CARS2: variants seen among roughly 807,000 people sequenced by gnomAD.
CARS2 encodes the protein cysteinyl-tRNA synthetase 2, mitochondrial.
In CARS2, 52 loss-of-function variants were observed where a neutral mutation model predicts 68.8. The observed-to-expected ratio is 0.76, with a 90% CI of 0.61 to 0.95. The LOEUF is 0.95. Among genes scored for constraint, CARS2 ranks in the 40% least tolerant of loss-of-function variants. The probability of loss-of-function intolerance (pLI) is 0.00; values close to 1 mark genes in which losing one functional copy is unlikely to be tolerated. For missense variants in CARS2, 780 were observed against 754.2 expected, an observed-to-expected ratio of 1.03 and a Z score of -0.40; for synonymous variants, 314 against 303.6, an observed-to-expected ratio of 1.03 and a Z score of -0.36.
At position 110,676,343 on chromosome 13, in the gene CARS2, A is replaced by C. The variant is rs945867405; in HGVS notation, c.785+631T>G. ...CCAGGGAGAAGGCGGAGAAAGCTCT[A>C]CTGAGAGGCAGAAACCAGGACAGAG... On this transcript the variant is annotated intron_variant, in intron 7 of 14. Transcript: ENST00000257347. The surrounding 1 kb of genome is among the most constrained non-coding windows in gnomAD (Gnocchi z 4.0). 2.6e-5 allele frequency among the ~76,000 whole-genome samples: 4 copies of C among 152,174 alleles called. No homozygotes were observed. The highest frequency in any genetic ancestry group is 4.4e-5 in the Non-Finnish European group (3 of 68,028).
At position 110,705,916 on chromosome 13, in the gene CARS2, C is replaced by A; in HGVS notation, c.178G>T (p.Gly60Trp). 1 of 1,575,650 alleles carries A rather than the reference C, an allele frequency of 6.3e-7. No homozygotes were observed. The highest frequency in any genetic ancestry group is 2.3e-5 in the East Asian group (1 of 42,670). The stretch of plus-strand genomic sequence containing the variant: ...GCCACGATTAGGGGTTCCTTCCTCC[C>A]GGTGAGGCTGTTGTACACCTGCACA... Reference protein sequence around the residue: ...TGVQVYNSLTGRKEPLIVAHA... With the variant: ...TGVQVYNSLTWRKEPLIVAHA... Residue 60 changes from glycine to tryptophan, a missense_variant, in exon 1 of 15, where the codon GGG becomes TGG. Coordinates refer to ENST00000257347, the MANE Select transcript of CARS2 (RefSeq NM_024537.4). This position sits in a 1 kb window ranked among gnomAD's most constrained non-coding sequence, Gnocchi z 4.0.
At chr13:110,673,386 T>C (rs1193906237) in intron 7 of CARS2, among the ~76,000 whole-genome samples, 2 of 152,204 alleles carry the variant, frequency 1.3e-5, no homozygotes, top group African/African-American at 2.4e-5. Flanking sequence ...GCTTCATCCC[T>C]GGGATGCAAG....
intron 12 of CARS2, 51 bp from the exon 13 acceptor site, chr13:110,644,534 T>C: frequency 6.2e-7 from 1 of 1,605,890 alleles, no homozygotes; most frequent in South Asian, 1.1e-5. Context: ...TTGATGGCAG[T>C]GGGCAAACGG....
chr13:110,706,176 G>T, upstream of CARS2: 1 of 971,722 alleles, frequency 1.0e-6, no homozygotes, highest in Non-Finnish European at 1.3e-6. Flanking sequence ...GCACGGCCCC[G>T]CCCCGCCCCG....
At chr13:110,701,404 G>T in intron 3 of CARS2, 34 bp downstream of exon 3, 1 of 965,626 alleles carries the variant, frequency 1.0e-6, no homozygotes, top group Non-Finnish European at 1.7e-6. Context: ...CTAATCAATG[G>T]CATTATCAAT....
At chr13:110,645,652 C>G in intron 12 of CARS2, 1 of 259,964 alleles carries the variant, frequency 3.8e-6, no homozygotes, top group Middle Eastern at 1.1e-3. Context: ...CAAAAGCTCT[C>G]TCTGTGAAAG....
chr13:110,684,636 T>C (rs1231596568), intron 5 of CARS2, among the ~76,000 whole-genome samples: 1 of 150,096 alleles, frequency 6.7e-6, no homozygotes, highest in African/African-American at 2.4e-5. Context: ...TCCTCTCTGG[T>C]CATTCAGGGT....
intron 3 of CARS2, among the ~76,000 whole-genome samples, chr13:110,692,075 TACATATATATACACAC>T (rs2063483761): frequency 7.1e-6 from 1 of 140,496 alleles, no homozygotes; most frequent in African/African-American, 2.7e-5. Flanking sequence ...TATACACACA[TACATATATATACACAC>T]ACATATATAC....
intron 9 of CARS2, among the ~76,000 whole-genome samples, chr13:110,652,228 C>T (rs2062234520): frequency 1.3e-5 from 2 of 152,276 alleles, no homozygotes; most frequent in Non-Finnish European, 2.9e-5. Context: ...CAGGGGCTGA[C>T]ACCAACCCAC....
At chr13:110,655,433 C>T (rs1291490640) in intron 9 of CARS2, among the ~76,000 whole-genome samples, 3 of 152,238 alleles carry the variant, frequency 2.0e-5, no homozygotes, top group Admixed American at 6.5e-5. Context: ...CACTGGACTA[C>T]ACAGCCATTC....
chr13:110,642,888 G>A (rs1003924671), intron 13 of CARS2: 2 of 480,172 alleles, frequency 4.2e-6, no homozygotes, highest in South Asian at 1.8e-5. Context: ...GAGGCTGGGG[G>A]GCAGCGACTG....
intron 10 of CARS2, 107 bp from the exon 11 acceptor site, chr13:110,647,346 C>G: frequency 7.3e-7 from 1 of 1,376,296 alleles, no homozygotes; most frequent in Non-Finnish European, 9.9e-7. Context: ...AGGGACCACA[C>G]GGAGAGCGGG....
intron 1 of CARS2, chr13:110,712,672 C>A: frequency 1.5e-6 from 1 of 652,532 alleles, no homozygotes; most frequent in South Asian, 1.5e-5. Flanking sequence ...GCTGAATGGC[C>A]TCAGGACGCC....
intron 7 of CARS2, among the ~76,000 whole-genome samples, chr13:110,669,383 C>T (rs376913742): frequency 1.3e-5 from 2 of 152,126 alleles, no homozygotes; most frequent in East Asian, 3.9e-4. Context: ...CCAGGAAACA[C>T]ATCCTGGATA....
chr13:110,665,329 G>A lies in CARS2; in HGVS notation c.920-1811C>T, dbSNP rs1002889282. 1.6e-6 allele frequency: 1 copy of A among 629,702 alleles called. No homozygotes were observed. The allele number at this position is 629,702 out of a possible 1,614,324, so 39.0% of individuals were successfully genotyped here. A position where few individuals can be genotyped will look rare whatever the true frequency, so the allele number is the denominator to read the frequency against. ...GGTATGGTGGTATGCACCTGTAGTCGCAGCTACTAGAACAGCTGAGGCAGG... is the reference window on the plus strand; with the variant it reads ...GGTATGGTGGTATGCACCTGTAGTCACAGCTACTAGAACAGCTGAGGCAGG... On this transcript the variant is annotated intron_variant, in intron 8 of 14. Transcript: ENST00000257347. The surrounding 1 kb of genome is among the most constrained non-coding windows in gnomAD (Gnocchi z 4.3).
At chr13:110,651,185 A>G (rs1350500227) in intron 9 of CARS2, 85 bp from the exon 10 acceptor site, 10 of 900,952 alleles carry the variant, frequency 1.1e-5, no homozygotes, top group Admixed American at 2.5e-5. Flanking sequence ...CTACAATTAC[A>G]TAAGTTATCT....
At chr13:110,656,921 G>A (rs943955442) in intron 9 of CARS2, among the ~76,000 whole-genome samples, 2 of 151,436 alleles carry the variant, frequency 1.3e-5, no homozygotes, top group African/African-American at 2.4e-5. Context: ...GATAGTGGTC[G>A]TTTCACAACT....
intron 3 of CARS2, among the ~76,000 whole-genome samples, chr13:110,691,050 T>C (rs1013175971): frequency 2.0e-5 from 3 of 152,318 alleles, no homozygotes; most frequent in Non-Finnish European, 4.4e-5. Flanking sequence ...AGTTTTGTTC[T>C]TGTTGTCCAC....
At position 110,687,842 on chromosome 13, in the gene CARS2, G is replaced by C. The variant is rs1298645678; in HGVS notation, c.466-16C>G. ...GTGGGAGAACCTGCAAGGAAGTGGA[G>C]ACGTGACCGTGTTTCCCTCGTGAGA... is the stretch of plus-strand genomic sequence containing the variant. On this transcript the variant is annotated splice_polypyrimidine_tract_variant and intron_variant, in intron 4 of 14. Coordinates refer to ENST00000257347, the MANE Select transcript of CARS2 (RefSeq NM_024537.4). 17 of 1,581,612 alleles carry C rather than the reference G, an allele frequency of 1.1e-5. No individual in the cohort carries two copies. The highest frequency in any genetic ancestry group is 1.7e-4 in the Middle Eastern group (1 of 5,950).
Sources: gnomAD v4.1 joint callset for allele counts (sites outside exome capture counted in the v4.1 genomes callset) on GRCh38, gnomAD v4.1.1 for gene constraint, Gnocchi (gnomAD v3.1) non-coding constraint, MANE v1.5 for transcripts, NCBI Gene and HGNC (gene_info 2026-07-23, HGNC 2026-07-21) for gene names.